The following BCL2L13 variants were observed in gnomAD, a reference collection of about 807,000 sequenced individuals.
The protein encoded by BCL2L13 is BCL2 like 13.
Under a neutral mutation model 25.8 loss-of-function variants are expected in BCL2L13, and 13 were observed. The ratio of observed to expected loss-of-function variants is 0.50; its 90% CI spans 0.33 to 0.80. The LOEUF (loss-of-function observed/expected upper bound fraction) is 0.80, where lower values mean the gene tolerates loss of function less well. Among genes scored for constraint, BCL2L13 ranks in the 30% least tolerant of loss-of-function variants. The pLI, the probability that BCL2L13 is intolerant of heterozygous loss-of-function variation, is 0.02. For missense variants in BCL2L13, 504 were observed against 574.9 expected, an observed-to-expected ratio of 0.88 and a Z score of 1.26; for synonymous variants, 244 against 230.3, an observed-to-expected ratio of 1.06 and a Z score of -0.54.
At position 17,658,522 on chromosome 22, in the gene BCL2L13, G is replaced by C. The variant is rs2065943011; in HGVS notation, c.121+2690G>C. Among the ~76,000 whole-genome samples, 4 of 151,682 alleles carry C rather than the reference G, an allele frequency of 2.6e-5. No individual in the cohort carries two copies. In the South Asian group the frequency reaches 8.3e-4, roughly 32 times the overall value. On this transcript the variant is annotated intron_variant, in intron 2 of 6. Transcript: ENST00000317582. ...ATTCTGGCCAACATGATGAAACCCT[G>C]TCTCTGCTAAAAAATACAAAAATTA...
At chr22:17,703,241 G>T (rs2099994125) in intron 6 of BCL2L13, 1 of 152,052 alleles carries the variant, frequency 6.6e-6, no homozygotes, top group African/African-American at 2.4e-5. Context: ...TTCAGAACAT[G>T]TATTCTCTAA....
At chr22:17,685,994 G>C (rs1321068539) in intron 3 of BCL2L13, among the ~76,000 whole-genome samples, 1 of 150,928 alleles carries the variant, frequency 6.6e-6, no homozygotes, top group African/African-American at 2.4e-5. Context: ...GGATGTTCTT[G>C]ATCTCCTGAC....
chr22:17,709,867 G>A (rs2060697659), intron 6 of BCL2L13, among the ~76,000 whole-genome samples: 1 of 151,636 alleles, frequency 6.6e-6, no homozygotes, highest in African/African-American at 2.4e-5. Flanking sequence ...CCAAGTCCAG[G>A]AGCTCAAGAC....
At chr22:17,631,706 A>ATATATATATATAT (rs1568904043) in intron 1 of BCL2L13, among the ~76,000 whole-genome samples, 1 of 10,934 alleles carries the variant, frequency 9.1e-5, no homozygotes, top group Non-Finnish European at 1.7e-4. Context: ...ATATATATAT[A>ATATATATATATAT]TTTTTTTTTT....
intron 1 of BCL2L13, among the ~76,000 whole-genome samples, chr22:17,643,388 G>T (rs2058357058): frequency 6.6e-6 from 1 of 151,974 alleles, no homozygotes; most frequent in African/African-American, 2.4e-5. Context: ...ACAGGTGTGA[G>T]CCACCGCGCC....
intron 3 of BCL2L13, among the ~76,000 whole-genome samples, chr22:17,685,838 C>T (rs965684469): frequency 5.9e-5 from 7 of 118,632 alleles, no homozygotes; most frequent in African/African-American, 2.2e-4. Flanking sequence ...GTGGCGGGAT[C>T]TCGACTCACT....
chr22:17,707,199 T>TA (rs375499614), intron 6 of BCL2L13, among the ~76,000 whole-genome samples: 8 of 152,192 alleles, frequency 5.3e-5, no homozygotes, highest in African/African-American at 1.9e-4. Context: ...GCCTGCTGTA[T>TA]ATGTGGGTGT....
chr22:17,707,890 C>CA (rs915983784), intron 6 of BCL2L13, among the ~76,000 whole-genome samples: 9 of 148,758 alleles, frequency 6.1e-5, no homozygotes, highest in Middle Eastern at 3.4e-3. Flanking sequence ...CTGCCCCCAC[C>CA]AAAAAAAAAG....
In BCL2L13 at chr22:17,701,795, G is replaced by A. The variant is rs115942947; in HGVS notation, c.457-448G>A. 9.9e-3 allele frequency among the ~76,000 whole-genome samples: 1,498 copies of A among 151,736 alleles called. 33 individuals carry two copies. The highest frequency in any genetic ancestry group is 0.034 in the African/African-American group (1,388 of 41,366). ...ACAAAAATTAGCCAGGCGTCATGGC[G>A]TACACTTGTAATCCCAGCTACTCAG... On this transcript the variant is annotated intron_variant, in intron 5 of 6. Transcript: ENST00000317582.
intron 6 of BCL2L13, among the ~76,000 whole-genome samples, chr22:17,715,141 TATATATATATATATATATATATATATATA>T (rs1569007448): frequency 0.16 from 1,134 of 6,902 alleles, 55 homozygotes; most frequent in Admixed American, 0.22. Context: ...TATATATATA[TATATATATATATATATATATATATATATA>T]TTTTTTTTTT....
At chr22:17,725,169 A>C (rs547724404) in intron 6 of BCL2L13, among the ~76,000 whole-genome samples, 28 of 152,230 alleles carry the variant, frequency 1.8e-4, no homozygotes, top group Admixed American at 8.5e-4. Context: ...TGTCTCTGCC[A>C]TCAGAGGAAT....
chr22:17,671,914 A>T (rs1439062646), intron 2 of BCL2L13, among the ~76,000 whole-genome samples: 1 of 152,172 alleles, frequency 6.6e-6, no homozygotes, highest in African/African-American at 2.4e-5. Flanking sequence ...TCATTTCACC[A>T]TGTTGGCCAG....
chr22:17,629,483 T>C (rs1329696019), intron 1 of BCL2L13, among the ~76,000 whole-genome samples: 1 of 152,174 alleles, frequency 6.6e-6, no homozygotes. Flanking sequence ...AGGTCCCATT[T>C]AGAGGAATAT....
At chr22:17,666,298 C>G (rs976710895) in intron 2 of BCL2L13, among the ~76,000 whole-genome samples, 32 of 151,742 alleles carry the variant, frequency 2.1e-4, no homozygotes, top group African/African-American at 6.5e-4. Flanking sequence ...CATGCAATGA[C>G]AAATAAACAC....
chr22:17,640,389 C>T (rs536887180), intron 1 of BCL2L13, among the ~76,000 whole-genome samples: 56 of 151,938 alleles, frequency 3.7e-4, no homozygotes, highest in African/African-American at 1.3e-3. Context: ...TTTTAGTTGT[C>T]TCCTACAGCA....
In BCL2L13 at chr22:17,722,378, G is replaced by GCGTGTGTGTGTGTGTGTGT. The variant is rs1491171137; in HGVS notation, c.601-4299_601-4298insCGTGTGTGTGTGTGTGTGT. On this transcript the variant is annotated intron_variant, in intron 6 of 6. Coordinates refer to ENST00000317582, the MANE Select transcript of BCL2L13 (RefSeq NM_015367.4). ...TGAGTTGAGTAGATGAGACTACAGG[G>GCGTGTGTGTGTGTGTGTGT]GTGTGTGTGTGTGTGTGTGTGTGTG... 2.2e-4 allele frequency among the ~76,000 whole-genome samples: 27 copies of GCGTGTGTGTGTGTGTGTGT among 122,138 alleles called. 1 individual carries two copies. Among genetic ancestry groups the GCGTGTGTGTGTGTGTGTGT allele is most frequent in the African/African-American group, 7.0e-4 (17 of 24,378 alleles). 80.1% of individuals were successfully genotyped at this position (122,138 alleles called of 152,430 possible). A position where few individuals can be genotyped will look rare whatever the true frequency, so the allele number is the denominator to read the frequency against.
upstream of BCL2L13, chr22:17,628,883 C>A: frequency 1.7e-6 from 1 of 574,006 alleles, no homozygotes; most frequent in Non-Finnish European, 3.1e-6. Flanking sequence ...GGTCCTTCTA[C>A]GTCGCTGACT....
rs553292794 is a variant in BCL2L13, at chr22:17,714,383, C to T, written c.600+11997C>T. Among the ~76,000 whole-genome samples, 11 of 151,146 alleles carry T rather than the reference C, an allele frequency of 7.3e-5. No homozygotes were observed. In the South Asian group the frequency reaches 1.9e-3, roughly 26 times the overall value. On this transcript the variant is annotated intron_variant, in intron 6 of 6. Transcript: ENST00000317582. The stretch of plus-strand genomic sequence containing the variant: ...AGGAGAATCGCTTGAACTCGGGAGG[C>T]GGAGGTTGCAGCGAGCCAAGATGGT...
At chr22:17,724,474 T>G (rs2061239964) in intron 6 of BCL2L13, among the ~76,000 whole-genome samples, 1 of 152,172 alleles carries the variant, frequency 6.6e-6, no homozygotes, top group South Asian at 2.1e-4. Flanking sequence ...TCCATACTCA[T>G]AGAACATCCT....
Sources: allele counts gnomAD v4.1 joint callset (sites outside exome capture counted in the v4.1 genomes callset), GRCh38; gene constraint gnomAD v4.1.1; transcripts MANE v1.5; gene names NCBI Gene and HGNC (gene_info 2026-07-23, HGNC 2026-07-21).